RTF1: variants seen among roughly 807,000 people sequenced by gnomAD.
RTF1 encodes RTF1 homolog, Paf1/RNA polymerase II complex component, also known as RNA polymerase-associated protein RTF1 homolog.
RTF1 carries 10 observed loss-of-function variants against 95.7 expected under a neutral mutation model. The ratio of observed to expected loss-of-function variants is 0.10; its 90% CI spans 0.06 to 0.18. RTF1 has a LOEUF of 0.18. Ranked by LOEUF, RTF1 falls within the 10% of genes least tolerant of loss-of-function variation. The pLI is 1.00. For synonymous variants in RTF1, 305 were observed against 311.8 expected (o/e 0.98, Z 0.23); for missense variants, 458 against 875.6 (o/e 0.52, Z 6.02).
At chr15:41,480,124 A>C in intron 16 of RTF1, 90 bp from the exon 17 acceptor site, 4 of 816,296 alleles carry the variant, frequency 4.9e-6, no homozygotes, top group Non-Finnish European at 8.3e-6. Flanking sequence ...AATGAACTCA[A>C]ATAAGAGCTT....
At chr15:41,440,417 T>G (rs1456478780) in intron 2 of RTF1, 1 of 151,992 alleles carries the variant, frequency 6.6e-6, no homozygotes, top group Non-Finnish European at 1.5e-5. Flanking sequence ...CTCAAACTCC[T>G]AACCTCAGGT....
rs4989180 is a variant in RTF1, at chr15:41,460,128, T to G, written c.662+2252T>G. Reference sequence around the variant, plus strand: ...ATTTTTGTTTTTGTTTTTGTTTTTTTTTTTTTTTTTTGAGACAGACTTTCA... The same window carrying G: ...ATTTTTGTTTTTGTTTTTGTTTTTTGTTTTTTTTTTTGAGACAGACTTTCA... On this transcript the variant is annotated intron_variant, in intron 4 of 17. Coordinates refer to ENST00000389629, the MANE Select transcript of RTF1 (RefSeq NM_015138.5). Among the ~76,000 whole-genome samples, 16 of 80,502 alleles carry G rather than the reference T, an allele frequency of 2.0e-4. No homozygotes were observed. In the East Asian group the frequency reaches 8.4e-3, roughly 42 times the overall value. The allele number at this position is 80,502 out of a possible 152,430, so 52.8% of individuals were successfully genotyped here. A position where few individuals can be genotyped will look rare whatever the true frequency, so the allele number is the denominator to read the frequency against.
chr15:41,465,084 C>G (rs1481691018), intron 5 of RTF1, among the ~76,000 whole-genome samples, 199 bp downstream of exon 5: 1 of 151,910 alleles, frequency 6.6e-6, no homozygotes, highest in African/African-American at 2.4e-5. Context: ...TTTTCCTTTG[C>G]TTTCCTTTTT....
chr15:41,432,523 C>T (rs1162893270), intron 1 of RTF1, among the ~76,000 whole-genome samples: 1 of 152,046 alleles, frequency 6.6e-6, no homozygotes, highest in Non-Finnish European at 1.5e-5. Context: ...AGAGCGGAAC[C>T]TCCTTAACAG....
At chr15:41,455,133 G>A (rs977589885) in intron 3 of RTF1, among the ~76,000 whole-genome samples, 2 of 151,930 alleles carry the variant, frequency 1.3e-5, no homozygotes, top group African/African-American at 4.8e-5. Flanking sequence ...GGCCAACATG[G>A]TGAAACCCCG....
At chr15:41,466,507 C>T (rs986065864) in intron 6 of RTF1, among the ~76,000 whole-genome samples, 1 of 152,116 alleles carries the variant, frequency 6.6e-6, no homozygotes, top group Admixed American at 6.5e-5. Context: ...ATAAATATTT[C>T]AGTATGTTCC....
chr15:41,451,332 A>AT (rs1244208154), intron 2 of RTF1, among the ~76,000 whole-genome samples: 1 of 152,244 alleles, frequency 6.6e-6, no homozygotes, highest in Non-Finnish European at 1.5e-5. Context: ...ACCTAAAATC[A>AT]TTTTAAGTTG....
At chr15:41,465,703 G>A (rs997046147) in intron 5 of RTF1, among the ~76,000 whole-genome samples, 1 of 151,970 alleles carries the variant, frequency 6.6e-6, no homozygotes, top group African/African-American at 2.4e-5. Flanking sequence ...TAAACAACCT[G>A]TCCTAGGTAG....
At chr15:41,428,747 A>T (rs552586622) in intron 1 of RTF1, among the ~76,000 whole-genome samples, 1 of 147,476 alleles carries the variant, frequency 6.8e-6, no homozygotes, top group South Asian at 2.2e-4. Context: ...TAATTTATTT[A>T]TTTATTTTGA....
intron 1 of RTF1, among the ~76,000 whole-genome samples, chr15:41,427,999 C>T (rs1233379740): frequency 6.6e-6 from 1 of 151,678 alleles, no homozygotes; most frequent in East Asian, 2.0e-4. Context: ...GCTGGCTAGG[C>T]TGGTCTTGAT....
chr15:41,475,049 A>G (rs2140655561), intron 9 of RTF1, among the ~76,000 whole-genome samples: 1 of 152,338 alleles, frequency 6.6e-6, no homozygotes, highest in South Asian at 2.1e-4. Flanking sequence ...GTGACAAGAA[A>G]GATCATTTTT....
chr15:41,419,132 T>C lies in RTF1; in HGVS notation c.198+1819T>C, dbSNP rs144132844. On this transcript the variant is annotated intron_variant, in intron 1 of 17. Transcript: ENST00000389629. ...AAGGCTCCTGAAGTTTACAAAAATA[T>C]CAAAAGTATAATTTCGACTGTAAAA... Among the ~76,000 whole-genome samples, 358 of 152,292 alleles carry C rather than the reference T, an allele frequency of 2.4e-3. 2 individuals are homozygous for C. The highest frequency in any genetic ancestry group is 8.4e-3 in the African/African-American group (350 of 41,578).
chr15:41,452,076 C>T (rs183470813), intron 2 of RTF1, among the ~76,000 whole-genome samples: 2 of 152,006 alleles, frequency 1.3e-5, no homozygotes, highest in African/African-American at 4.8e-5. Context: ...GTTTATTATG[C>T]AACTTTTCTC....
intron 2 of RTF1, among the ~76,000 whole-genome samples, chr15:41,448,194 T>C (rs1460592555): frequency 6.6e-6 from 1 of 152,180 alleles, no homozygotes; most frequent in Non-Finnish European, 1.5e-5. Context: ...CTCTCGTTTA[T>C]GGGAGTAAAT....
At position 41,474,700 on chromosome 15, in the gene RTF1, A is replaced by G. The variant is rs765600377; in HGVS notation, c.1284A>G (p.Leu428=). 1.2e-6 allele frequency: 2 copies of G among 1,612,810 alleles called. No homozygotes were observed. The highest frequency in any genetic ancestry group is 2.2e-5 in the South Asian group (2 of 91,054). Residue 428 remains leucine, a splice_region_variant and synonymous_variant, in exon 9 of 18, where the codon CTA becomes CTG. Coordinates refer to ENST00000389629, the MANE Select transcript of RTF1 (RefSeq NM_015138.5). ...CCAGAACAAACAAAGGGCTGCAACT[A>G]CGGTAGGAGGCACTTCTGGGGTAGC... is the stretch of plus-strand genomic sequence containing the variant. ...GGTRTNKGLQ[L]RHGNDQRVFR...
intron 14 of RTF1, 49 bp downstream of exon 14, chr15:41,477,564 A>G (rs201520690): frequency 2.6e-6 from 4 of 1,535,408 alleles, no homozygotes; most frequent in East Asian, 2.2e-5. Flanking sequence ...TTAATAAACC[A>G]TGACATCTTT....
chr15:41,466,545 A>G (rs1186785719), intron 6 of RTF1, among the ~76,000 whole-genome samples: 1 of 152,180 alleles, frequency 6.6e-6, no homozygotes, highest in Admixed American at 6.5e-5. Context: ...TTTGTTTTAA[A>G]CCTAACTATA....
chr15:41,425,246 C>T (rs1350437118), intron 1 of RTF1, among the ~76,000 whole-genome samples: 3 of 151,942 alleles, frequency 2.0e-5, no homozygotes, highest in Admixed American at 6.6e-5. Context: ...GGACTATAGG[C>T]GCCTGCCACT....
chr15:41,443,244 TATA>T (rs772353228), intron 2 of RTF1, among the ~76,000 whole-genome samples: 1 of 152,354 alleles, frequency 6.6e-6, no homozygotes, highest in Non-Finnish European at 1.5e-5. Flanking sequence ...GGACATTCAG[TATA>T]ATGTCATATT....
Sources: gnomAD v4.1 joint callset for allele counts (sites outside exome capture counted in the v4.1 genomes callset) on GRCh38, gnomAD v4.1.1 for gene constraint, MANE v1.5 for transcripts, NCBI Gene and HGNC (gene_info 2026-07-23, HGNC 2026-07-21) for gene names.